AGBL4: variants seen among roughly 807,000 people sequenced by gnomAD.
AGBL4 encodes cytosolic carboxypeptidase 6.
AGBL4 carries 58 observed loss-of-function variants against 66.4 expected under a neutral mutation model. The observed-to-expected ratio is 0.87, with a 90% confidence interval of 0.71 to 1.09. The LOEUF is 1.09. Ranked by LOEUF, AGBL4 falls within the 50% of genes least tolerant of loss-of-function variation. The probability of loss-of-function intolerance (pLI) is 0.00; values close to 1 mark genes in which losing one functional copy is unlikely to be tolerated. For synonymous variants in AGBL4, 234 were observed against 222.9 expected, an observed-to-expected ratio of 1.05 and a Z score of -0.44; for missense variants, 579 against 631.0, an observed-to-expected ratio of 0.92 and a Z score of 0.88.
chr1:48,932,624 G>A (rs1190968655), intron 5 of AGBL4, among the ~76,000 whole-genome samples: 1 of 152,168 alleles, frequency 6.6e-6, no homozygotes, highest in South Asian at 2.1e-4. Flanking sequence ...GTAAAAAAAT[G>A]AAGCATCTCA....
chr1:48,694,520 G>C (rs941673924), intron 6 of AGBL4, among the ~76,000 whole-genome samples: 9 of 152,302 alleles, frequency 5.9e-5, no homozygotes, highest in African/African-American at 2.2e-4. Context: ...CTGGTACTTT[G>C]CACAGTGCCC....
chr1:49,415,773 CT>C (rs1397902284), intron 3 of AGBL4, among the ~76,000 whole-genome samples: 1 of 152,066 alleles, frequency 6.6e-6, no homozygotes, highest in Non-Finnish European at 1.5e-5. Flanking sequence ...AGAAAAATTA[CT>C]TCTTTTTAGC....
intron 9 of AGBL4, among the ~76,000 whole-genome samples, chr1:48,606,129 T>A (rs1307566721): frequency 6.6e-6 from 1 of 151,272 alleles, no homozygotes; most frequent in Non-Finnish European, 1.5e-5. Flanking sequence ...TAAGACAAAA[T>A]AGTTGTGGGG....
At chr1:48,844,120 T>A (rs958097120) in intron 6 of AGBL4, among the ~76,000 whole-genome samples, 4 of 152,130 alleles carry the variant, frequency 2.6e-5, no homozygotes, top group African/African-American at 9.7e-5. Context: ...CTATGGTGAA[T>A]TCTGTGCTCT....
chr1:48,554,193 A>G (rs1644289253), intron 11 of AGBL4, among the ~76,000 whole-genome samples: 1 of 151,742 alleles, frequency 6.6e-6, no homozygotes, highest in Non-Finnish European at 1.5e-5. Context: ...AAAGAAGCCC[A>G]CTCCCCTGCT....
chr1:49,900,966 A>G (rs1649708081), intron 1 of AGBL4, among the ~76,000 whole-genome samples: 1 of 152,206 alleles, frequency 6.6e-6, no homozygotes. Context: ...TTTTATAGGT[A>G]CCATTTATAA....
chr1:49,359,139 G>A (rs1173380346), intron 3 of AGBL4, among the ~76,000 whole-genome samples: 1 of 152,166 alleles, frequency 6.6e-6, no homozygotes, highest in Non-Finnish European at 1.5e-5. Context: ...GCACAAAATA[G>A]CTTTAGCATG....
chr1:48,692,642 G>A (rs1169612397), intron 6 of AGBL4, among the ~76,000 whole-genome samples: 1 of 152,150 alleles, frequency 6.6e-6, no homozygotes, highest in Non-Finnish European at 1.5e-5. Context: ...GCAGGTCAGG[G>A]CTTCAGCTTC....
intron 4 of AGBL4, among the ~76,000 whole-genome samples, chr1:49,136,439 A>C (rs1359939393): frequency 6.6e-6 from 1 of 152,282 alleles, no homozygotes; most frequent in East Asian, 1.9e-4. Context: ...TGTCCACTAC[A>C]TGTTGCTGTT....
At chr1:49,507,694 C>T (rs1648823873) in intron 3 of AGBL4, among the ~76,000 whole-genome samples, 1 of 151,734 alleles carries the variant, frequency 6.6e-6, no homozygotes, top group Non-Finnish European at 1.5e-5. Flanking sequence ...TATTTTATTT[C>T]TTAAAAGGAG....
In AGBL4 at chr1:49,562,916, T is replaced by C. The variant is rs1285099563; in HGVS notation, c.282+134397A>G. 2.6e-5 allele frequency among the ~76,000 whole-genome samples: 4 copies of C among 152,228 alleles called. No individual in the cohort carries two copies. In the East Asian group the frequency reaches 7.7e-4, roughly 29 times the overall value. ...ACCTTGGGCAGTATGGCCATTTTCA[T>C]GATATTGATTCTTCCTACTCATGAG... On this transcript the variant is annotated intron_variant, in intron 3 of 13. Transcript: ENST00000371839.
At chr1:49,193,815 G>A (rs1320636201) in intron 4 of AGBL4, among the ~76,000 whole-genome samples, 1 of 152,058 alleles carries the variant, frequency 6.6e-6, no homozygotes, top group Admixed American at 6.5e-5. Context: ...TTACAGGCGT[G>A]AGCCACCGTG....
intron 4 of AGBL4, among the ~76,000 whole-genome samples, chr1:49,112,589 C>T (rs1198642519): frequency 6.6e-6 from 1 of 152,248 alleles, no homozygotes; most frequent in African/African-American, 2.4e-5. Context: ...CTCTCAAACC[C>T]TGCCACTGCT....
At chr1:49,358,394 G>GCA (rs1422386170) in intron 3 of AGBL4, among the ~76,000 whole-genome samples, 1 of 150,814 alleles carries the variant, frequency 6.6e-6, no homozygotes, top group East Asian at 1.9e-4. Flanking sequence ...AGCTTAAAAT[G>GCA]TATATAAGCA....
At chr1:49,459,157 G>T (rs1380135791) in intron 3 of AGBL4, among the ~76,000 whole-genome samples, 1 of 151,434 alleles carries the variant, frequency 6.6e-6, no homozygotes. Flanking sequence ...TCTAGCCTGT[G>T]GAATAGTGTC....
intron 6 of AGBL4, among the ~76,000 whole-genome samples, chr1:48,765,184 C>A (rs1644470276): frequency 6.6e-6 from 1 of 152,190 alleles, no homozygotes; most frequent in South Asian, 2.1e-4. Flanking sequence ...AGATCTTATC[C>A]ACTGGCGTAT....
intron 6 of AGBL4, among the ~76,000 whole-genome samples, chr1:48,791,896 C>T (rs1645561619): frequency 1.3e-5 from 2 of 152,182 alleles, no homozygotes; most frequent in South Asian, 4.1e-4. Flanking sequence ...CTGTGCCAGA[C>T]TCTAAATTAA....
intron 3 of AGBL4, among the ~76,000 whole-genome samples, chr1:49,485,426 G>A (rs1429951906): frequency 7.6e-6 from 1 of 131,878 alleles, no homozygotes; most frequent in African/African-American, 2.9e-5. Flanking sequence ...ATGGACACTG[G>A]AAGGGGAACA....
intron 1 of AGBL4, among the ~76,000 whole-genome samples, chr1:49,948,046 A>ATATATATT (rs1655513971): frequency 1.6e-3 from 10 of 6,080 alleles, no homozygotes; most frequent in Admixed American, 3.5e-3. Flanking sequence ...ACATATAAAT[A>ATATATATT]TATAAATATA....
Sources: allele counts gnomAD v4.1 joint callset (sites outside exome capture counted in the v4.1 genomes callset), GRCh38; gene constraint gnomAD v4.1.1; transcripts MANE v1.5; gene names NCBI Gene and HGNC (gene_info 2026-07-23, HGNC 2026-07-21).